GHR: variants seen among roughly 807,000 people sequenced by gnomAD.
The protein encoded by GHR is GH receptor.
Under a neutral mutation model 67.1 loss-of-function variants are expected in GHR, and 35 were observed. The observed-to-expected ratio is 0.52, with a 90% CI of 0.40 to 0.69. The LOEUF (loss-of-function observed/expected upper bound fraction) is 0.69. GHR is among the 30% of genes least tolerant of loss of function. The probability of loss-of-function intolerance (pLI) is 0.00; values close to 1 mark genes in which losing one functional copy is unlikely to be tolerated. For missense variants in GHR, 792 were observed against 764.6 expected, an observed-to-expected ratio of 1.04 and a Z score of -0.42; for synonymous variants, 272 against 269.1, an observed-to-expected ratio of 1.01 and a Z score of -0.10.
chr5:42,473,790 T>C (rs1745113475), intron 1 of GHR, among the ~76,000 whole-genome samples: 1 of 150,764 alleles, frequency 6.6e-6, no homozygotes, highest in Non-Finnish European at 1.5e-5. Context: ...GGCAGGAGAA[T>C]CGCTTGAACC....
chr5:42,698,613 G>T (rs6874738), intron 5 of GHR, among the ~76,000 whole-genome samples: 1 of 152,036 alleles, frequency 6.6e-6, no homozygotes, highest in African/African-American at 2.4e-5. Flanking sequence ...CCACCATAAG[G>T]CCTGTTTTCA....
chr5:42,523,808 A>G (rs1472968853), intron 1 of GHR, among the ~76,000 whole-genome samples: 1 of 152,118 alleles, frequency 6.6e-6, no homozygotes, highest in African/African-American at 2.4e-5. Flanking sequence ...GGGGGTGGTA[A>G]TTGAATCATG....
At chr5:42,449,824 G>T (rs186689394) in intron 1 of GHR, among the ~76,000 whole-genome samples, 248 of 152,112 alleles carry the variant, frequency 1.6e-3, no homozygotes, top group Non-Finnish European at 2.2e-3. Flanking sequence ...TTTTGTTGAG[G>T]GTTTTTATCA....
At position 42,619,114 on chromosome 5, in the gene GHR, A is replaced by G. The variant is rs1753312304; in HGVS notation, c.71-9924A>G. Among the ~76,000 whole-genome samples, 4 of 152,122 alleles carry G rather than the reference A, an allele frequency of 2.6e-5. No homozygotes were observed. In the South Asian group the frequency reaches 8.3e-4, roughly 31 times the overall value. On this transcript the variant is annotated intron_variant, in intron 2 of 9. Transcript: ENST00000230882. Reference sequence around the variant, plus strand: ...CAAGACCTCCCAATTCCCAACTATGACAATAAAGGATTGCAGTGGAAAAGA... The same window carrying G: ...CAAGACCTCCCAATTCCCAACTATGGCAATAAAGGATTGCAGTGGAAAAGA...
At chr5:42,457,368 A>G (rs575597662) in intron 1 of GHR, among the ~76,000 whole-genome samples, 1 of 152,354 alleles carries the variant, frequency 6.6e-6, no homozygotes, top group East Asian at 1.9e-4. Flanking sequence ...CACTATCAAC[A>G]TTATGACATA....
intron 1 of GHR, among the ~76,000 whole-genome samples, chr5:42,483,616 A>T (rs910315735): frequency 6.6e-6 from 1 of 152,196 alleles, no homozygotes; most frequent in Non-Finnish European, 1.5e-5. Context: ...TTCCTAAATG[A>T]TACCTAGTTA....
chr5:42,522,689 C>T lies in GHR; in HGVS notation c.-11-43175C>T, dbSNP rs894763583. ...TTCTCTGCTTCTAAGATTTGTTTCCCTTGGGGTTACTGTTTGAGCAACTTT... is the reference window on the plus strand; with the variant it reads ...TTCTCTGCTTCTAAGATTTGTTTCCTTTGGGGTTACTGTTTGAGCAACTTT... On this transcript the variant is annotated intron_variant, in intron 1 of 9. Coordinates refer to ENST00000230882, the MANE Select transcript of GHR (RefSeq NM_000163.5). Among the ~76,000 whole-genome samples the T allele has an allele frequency of 3.9e-5, 6 of 152,108 alleles. No homozygotes were observed. The East Asian group carries it at 7.7e-4, about 20-fold the overall frequency.
At chr5:42,539,030 A>AT (rs1033029111) in intron 1 of GHR, among the ~76,000 whole-genome samples, 4 of 151,346 alleles carry the variant, frequency 2.6e-5, no homozygotes, top group Non-Finnish European at 5.9e-5. Flanking sequence ...TGAAGTTTTG[A>AT]TTTTTTTTCT....
intron 1 of GHR, among the ~76,000 whole-genome samples, chr5:42,522,021 T>G (rs545729284): frequency 1.3e-5 from 2 of 152,256 alleles, no homozygotes; most frequent in African/African-American, 4.8e-5. Flanking sequence ...TAAGCAAGAT[T>G]TTATGAAGGG....
chr5:42,618,907 A>C (rs906699359), intron 2 of GHR, among the ~76,000 whole-genome samples: 3 of 152,124 alleles, frequency 2.0e-5, no homozygotes, highest in African/African-American at 7.2e-5. Flanking sequence ...GGCCAGCATT[A>C]GTCTGTTTAC....
At chr5:42,639,850 G>A (rs1482009305) in intron 3 of GHR, among the ~76,000 whole-genome samples, 1 of 152,064 alleles carries the variant, frequency 6.6e-6, no homozygotes, top group Non-Finnish European at 1.5e-5. Context: ...CTCCACCCTT[G>A]GTTTAGCCAG....
In GHR at chr5:42,588,526, C is replaced by CAAAAAAAAAAAAAAAAA. The variant is rs10716908; in HGVS notation, c.70+22591_70+22607dup. ...GGGCAGCAAAAGCGAAACTCCATCT[C>CAAAAAAAAAAAAAAAAA]AAAAAAAAAAAAAAAAAAAAAAAAA... On this transcript the variant is annotated intron_variant, in intron 2 of 9. Coordinates refer to ENST00000230882, the MANE Select transcript of GHR (RefSeq NM_000163.5). 5.9e-3 allele frequency among the ~76,000 whole-genome samples: 267 copies of CAAAAAAAAAAAAAAAAA among 45,108 alleles called. 17 individuals carry two copies. The highest frequency in any genetic ancestry group is 8.2e-3 in the Non-Finnish European group (198 of 24,240). 29.6% of individuals were successfully genotyped at this position (45,108 alleles called of 152,430 possible). A position where few individuals can be genotyped will look rare whatever the true frequency, so the allele number is the denominator to read the frequency against.
chr5:42,603,620 G>A (rs932538417), intron 2 of GHR, among the ~76,000 whole-genome samples: 3 of 151,778 alleles, frequency 2.0e-5, no homozygotes, highest in Admixed American at 6.6e-5. Context: ...GTTTGATTTA[G>A]TCTTCTCTTG....
At chr5:42,466,073 G>A (rs1375445160) in intron 1 of GHR, 1 of 364,002 alleles carries the variant, frequency 2.7e-6, no homozygotes, top group Non-Finnish European at 5.1e-6. Context: ...CCAGGAAGGG[G>A]GCTGTTGGTT....
At chr5:42,558,453 A>C (rs1267687439) in intron 1 of GHR, among the ~76,000 whole-genome samples, 3 of 152,256 alleles carry the variant, frequency 2.0e-5, no homozygotes, top group African/African-American at 7.2e-5. Context: ...CAGTAGAAAT[A>C]AAATGCAAGC....
chr5:42,427,993 T>C (rs1170494647), intron 1 of GHR, among the ~76,000 whole-genome samples: 1 of 152,216 alleles, frequency 6.6e-6, no homozygotes, highest in Non-Finnish European at 1.5e-5. Context: ...TTGGGGGTGC[T>C]GGGGAATGGT....
chr5:42,647,739 A>G, intron 3 of GHR: 1 of 436,760 alleles, frequency 2.3e-6, no homozygotes, highest in Non-Finnish European at 4.5e-6. Context: ...TCTAGCTTAG[A>G]AAAATTAACC....
chr5:42,432,571 T>G (rs965198842), intron 1 of GHR, among the ~76,000 whole-genome samples: 1 of 152,262 alleles, frequency 6.6e-6, no homozygotes, highest in Admixed American at 6.5e-5. Flanking sequence ...AGCCTCTAAG[T>G]TGGCCAAACT....
At chr5:42,576,125 AAATAAAATAAAATAAAAT>A (rs1561135990) in intron 2 of GHR, among the ~76,000 whole-genome samples, 3,904 of 98,350 alleles carry the variant, frequency 0.04, 93 homozygotes, top group African/African-American at 0.062. Flanking sequence ...AAATAAAATA[AAATAAAATAAAATAAAAT>A]AGTAAAGTAA....
Sources: gnomAD v4.1 joint callset for allele counts (sites outside exome capture counted in the v4.1 genomes callset) on GRCh38, gnomAD v4.1.1 for gene constraint, MANE v1.5 for transcripts, NCBI Gene and HGNC (gene_info 2026-07-23, HGNC 2026-07-21) for gene names.